CAPN7: variants seen among roughly 807,000 people sequenced by gnomAD.
The protein encoded by CAPN7 is calpain-7.
A neutral mutation model predicts 115.2 loss-of-function variants in CAPN7; 72 were observed. The observed-to-expected ratio is 0.63, with a 90% CI of 0.52 to 0.76. CAPN7 has a LOEUF of 0.76. CAPN7 is among the 30% of genes least tolerant of loss of function. CAPN7 has a pLI of 0.00. For missense variants in CAPN7, 905 were observed against 971.5 expected, an observed-to-expected ratio of 0.93 and a Z score of 0.91; for synonymous variants, 344 against 322.3, an observed-to-expected ratio of 1.07 and a Z score of -0.72.
At position 15,242,212 on chromosome 3, in the gene CAPN7, T is replaced by A. The variant is rs778878915; in HGVS notation, c.1823T>A (p.Met608Lys). 2 of 1,605,208 alleles carry A rather than the reference T, an allele frequency of 1.2e-6. No individual in the cohort carries two copies. The highest frequency in any genetic ancestry group is 2.3e-5 in the South Asian group (2 of 88,498). The change falls in exon 16 of 21, where the codon ATG becomes AAG. Residue 608 changes from methionine to lysine, a missense_variant. Around this residue, in one of 3 missense-constraint regions of CAPN7, gnomAD observed 620 missense variants for 703.4 expected, o/e 0.88. Coordinates refer to ENST00000253693, the MANE Select transcript of CAPN7 (RefSeq NM_014296.3). The stretch of plus-strand genomic sequence containing the variant: ...GCGAATAATCGAGAATTTATCACAA[T>A]GGTTGTATACAAGACTGATGGGAAA... ...DFANNREFIT[M>K]VVYKTDGKKV...
At chr3:15,238,849 A>AT (rs59838740) in intron 12 of CAPN7, among the ~76,000 whole-genome samples, 13,099 of 113,982 alleles carry the variant, frequency 0.11, 889 homozygotes, top group East Asian at 0.24. Context: ...GCAAAATCAA[A>AT]TTTTTTTTTT....
intron 16 of CAPN7, 79 bp downstream of exon 16, chr3:15,242,332 A>G: frequency 1.1e-6 from 1 of 882,736 alleles, no homozygotes; most frequent in Admixed American, 2.9e-5. Context: ...AAAATGACAC[A>G]TTTTATGTAG....
intron 12 of CAPN7, among the ~76,000 whole-genome samples, chr3:15,238,276 G>A (rs950039659): frequency 1.2e-4 from 18 of 151,412 alleles, no homozygotes; most frequent in African/African-American, 4.1e-4. Flanking sequence ...CACCACGCCC[G>A]GCCAATTTTT....
chr3:15,213,548 G>T (rs575630606), intron 2 of CAPN7, among the ~76,000 whole-genome samples: 44 of 152,276 alleles, frequency 2.9e-4, no homozygotes, highest in African/African-American at 1.0e-3. Flanking sequence ...TAGAATCTCT[G>T]GCAGCCTAAG....
Position 15,227,808 on chromosome 3 carries a change from TTTTTTATTTTAA to T in CAPN7, c.726-22_726-11del. ...CTTTGAGTCATCTTTTAAGATTAAT[TTTTTTATTTTAA>T]TTTTTATTATTACCTCAGTGATAGA... On this transcript the variant is annotated intron_variant, in intron 6 of 20. Coordinates refer to ENST00000253693, the MANE Select transcript of CAPN7 (RefSeq NM_014296.3). The T allele has an allele frequency of 7.3e-7, 1 of 1,361,632 alleles. No homozygotes were observed. Among genetic ancestry groups the T allele is most frequent in the Non-Finnish European group, 9.7e-7 (1 of 1,031,924 alleles). 84.3% of individuals were successfully genotyped at this position (1,361,632 alleles called of 1,614,324 possible). A position where few individuals can be genotyped will look rare whatever the true frequency, so the allele number is the denominator to read the frequency against.
intron 6 of CAPN7, among the ~76,000 whole-genome samples, chr3:15,224,859 A>G (rs1230088601): frequency 6.6e-6 from 1 of 152,248 alleles, no homozygotes; most frequent in East Asian, 1.9e-4. Context: ...GTTAGGTATC[A>G]CAAAGCCAGT....
chr3:15,207,154 A>T (rs1478923780), intron 1 of CAPN7, among the ~76,000 whole-genome samples: 3 of 152,182 alleles, frequency 2.0e-5, no homozygotes. Context: ...TCCACACCTA[A>T]GCTGTATGGC....
chr3:15,235,183 G>C (rs541381228), intron 12 of CAPN7, 38 bp downstream of exon 12: 1 of 1,544,956 alleles, frequency 6.5e-7, no homozygotes. Context: ...TTTTCTTGTT[G>C]GATAAGACAT....
chr3:15,212,564 C>T (rs891029409), intron 2 of CAPN7, among the ~76,000 whole-genome samples: 1 of 152,168 alleles, frequency 6.6e-6, no homozygotes, highest in African/African-American at 2.4e-5. Context: ...AATTAAGTGA[C>T]TGTTCCTCTT....
intron 12 of CAPN7, among the ~76,000 whole-genome samples, chr3:15,236,841 A>C (rs73140140): frequency 0.049 from 7,417 of 152,320 alleles, 623 homozygotes; most frequent in African/African-American, 0.17. Context: ...TAGGGCACTT[A>C]CATGGTTGGA....
At chr3:15,220,577 ATGT>A (rs1180405717) in intron 4 of CAPN7, among the ~76,000 whole-genome samples, 35 of 152,196 alleles carry the variant, frequency 2.3e-4, no homozygotes, top group Admixed American at 2.3e-3. Flanking sequence ...TGCTTAATTA[ATGT>A]TGTCAATAGA....
intron 19 of CAPN7, among the ~76,000 whole-genome samples, chr3:15,248,338 A>G (rs1380536932): frequency 1.3e-5 from 2 of 152,242 alleles, no homozygotes; most frequent in Admixed American, 6.5e-5. Flanking sequence ...TGATATAACA[A>G]TGGAAATAAA....
Position 15,210,596 on chromosome 3 carries a change from C to CTTTTTTTTTTTTTTTTTTTTT in CAPN7, c.103-1491_103-1490insTTTTTTTTTTTTTTTTTTTTT, listed in dbSNP as rs371169868. Among the ~76,000 whole-genome samples the CTTTTTTTTTTTTTTTTTTTTT allele has an allele frequency of 5.7e-5, 6 of 104,488 alleles. 1 individual carries two copies. Among genetic ancestry groups the CTTTTTTTTTTTTTTTTTTTTT allele is most frequent in the African/African-American group, 3.0e-4 (5 of 16,478 alleles). The allele number at this position is 104,488 out of a possible 152,430, so 68.5% of individuals were successfully genotyped here. ...TTTTCATTCCTTCCTTGCTTCCTTC[C>CTTTTTTTTTTTTTTTTTTTTT]TTTTTTTTTTTTTTTTTGGACAGTA... On this transcript the variant is annotated intron_variant, in intron 1 of 20. Transcript: ENST00000253693.
At chr3:15,234,987 G>A (rs557060278) in intron 11 of CAPN7, 38 bp from the exon 12 acceptor site, 3 of 1,575,946 alleles carry the variant, frequency 1.9e-6, no homozygotes, top group East Asian at 2.2e-5. Context: ...TTACAAATGT[G>A]TTTTACTTTA....
intron 6 of CAPN7, among the ~76,000 whole-genome samples, chr3:15,224,575 T>TA (rs1559394818): frequency 6.6e-6 from 1 of 151,824 alleles, no homozygotes; most frequent in Non-Finnish European, 1.5e-5. Flanking sequence ...GCCTGACCCT[T>TA]CTTTTTCTTT....
intron 2 of CAPN7, 147 bp downstream of exon 2, chr3:15,212,359 C>G: frequency 3.8e-6 from 2 of 530,376 alleles, no homozygotes; most frequent in South Asian, 6.1e-5. Context: ...GTAATCACCT[C>G]TTTAAAAGTC....
chr3:15,217,909 A>C (rs956330358), intron 3 of CAPN7, among the ~76,000 whole-genome samples: 1 of 152,228 alleles, frequency 6.6e-6, no homozygotes, highest in African/African-American at 2.4e-5. Context: ...AGTTTCGTGC[A>C]CTAAAAAATA....
chr3:15,248,529 T>A (rs1695806399), intron 19 of CAPN7, among the ~76,000 whole-genome samples: 1 of 152,194 alleles, frequency 6.6e-6, no homozygotes, highest in South Asian at 2.1e-4. Flanking sequence ...AAAAGCTCTG[T>A]CGAGGGACAG....
chr3:15,237,180 T>G (rs1158332666), intron 12 of CAPN7, among the ~76,000 whole-genome samples: 1 of 152,224 alleles, frequency 6.6e-6, no homozygotes, highest in Non-Finnish European at 1.5e-5. Context: ...TAATAACAAC[T>G]AGCTGAAAAC....
Sources: gnomAD v4.1 joint callset for allele counts (sites outside exome capture counted in the v4.1 genomes callset) on GRCh38, gnomAD v4.1.1 for gene constraint, gnomAD v4.1.1 regional missense constraint, MANE v1.5 for transcripts, NCBI Gene and HGNC (gene_info 2026-07-23, HGNC 2026-07-21) for gene names.